Variants in ZSWIM6 observed in about 807,000 individuals in gnomAD.
The protein encoded by ZSWIM6 is zinc finger SWIM domain-containing protein 6.
ZSWIM6 carries 9 observed loss-of-function variants against 113.2 expected under a neutral mutation model. The observed-to-expected ratio is 0.08, with a 90% CI of 0.05 to 0.14. The LOEUF is 0.14. ZSWIM6 is among the 10% of genes least tolerant of loss of function. ZSWIM6 has a pLI of 1.00. For synonymous variants in ZSWIM6, 611 were observed against 606.5 expected (o/e 1.01, Z -0.11); for missense variants, 1,162 against 1,552.2 (o/e 0.75, Z 4.22).
At chr5:61,424,057 G>A (rs1013532786) in intron 1 of ZSWIM6, among the ~76,000 whole-genome samples, 2 of 152,216 alleles carry the variant, frequency 1.3e-5, no homozygotes, top group Non-Finnish European at 1.5e-5. Flanking sequence ...ATGCCTCTGA[G>A]TTGCTATCTC....
intron 1 of ZSWIM6, among the ~76,000 whole-genome samples, chr5:61,417,961 T>C (rs1469952096): frequency 6.6e-6 from 1 of 152,182 alleles, no homozygotes; most frequent in Non-Finnish European, 1.5e-5. Flanking sequence ...AGGTACTTTA[T>C]TGGTGATCTA....
intron 1 of ZSWIM6, among the ~76,000 whole-genome samples, chr5:61,347,930 G>A: frequency 6.6e-6 from 1 of 152,070 alleles, no homozygotes; most frequent in South Asian, 2.1e-4. Context: ...TTAAAAAAAA[G>A]CAAGATTTGG....
chr5:61,360,992 A>G (rs1745023449), intron 1 of ZSWIM6, among the ~76,000 whole-genome samples: 6 of 152,184 alleles, frequency 3.9e-5, no homozygotes, highest in African/African-American at 1.2e-4. Context: ...TGTTAATTTT[A>G]TATTTAAATC....
At chr5:61,377,715 CA>C (rs67255045) in intron 1 of ZSWIM6, among the ~76,000 whole-genome samples, 31,985 of 125,448 alleles carry the variant, frequency 0.25, 3,528 homozygotes, top group South Asian at 0.35. Flanking sequence ...GACTTCGTCT[CA>C]AAAAAAAAAA....
rs1384667357 is a variant in ZSWIM6, at chr5:61,521,309, G to A, written c.1380G>A (p.Glu460=). 4.0e-6 allele frequency: 6 copies of A among 1,514,928 alleles called. No homozygotes were observed. The East Asian group carries it at 8.0e-5, about 20-fold the overall frequency. The allele number at this position is 1,514,928 out of a possible 1,614,324, so 93.8% of individuals were successfully genotyped here. ...TTTTAAACCCCCACTGCAAGTTGGA[G>A]CAAAAGGCCAGTTGGCTAAAACAGC... The part of the protein sequence containing the change: ...CIVLNPHCKL[E]QKASWLKQLK... Residue 460 remains glutamate, a synonymous_variant, in exon 5 of 14, where the codon GAG becomes GAA. Coordinates refer to ENST00000252744, the MANE Select transcript of ZSWIM6 (RefSeq NM_020928.2).
intron 1 of ZSWIM6, among the ~76,000 whole-genome samples, chr5:61,401,995 C>A (rs1745947479): frequency 6.9e-6 from 1 of 144,892 alleles, no homozygotes; most frequent in Admixed American, 6.8e-5. Context: ...ACACTGATAC[C>A]TGTTCTCTTT....
At chr5:61,501,822 C>A (rs1394698592) in intron 4 of ZSWIM6, among the ~76,000 whole-genome samples, 2 of 152,204 alleles carry the variant, frequency 1.3e-5, no homozygotes, top group African/African-American at 4.8e-5. Flanking sequence ...AGTAGATACT[C>A]TTCTCACATT....
intron 4 of ZSWIM6, among the ~76,000 whole-genome samples, chr5:61,496,940 T>C (rs1349908533): frequency 1.3e-5 from 2 of 152,120 alleles, no homozygotes; most frequent in Non-Finnish European, 2.9e-5. Flanking sequence ...TCATTATACT[T>C]GTCAACCCTA....
intron 1 of ZSWIM6, among the ~76,000 whole-genome samples, chr5:61,392,291 A>G (rs536972205): frequency 1.3e-5 from 2 of 152,338 alleles, no homozygotes; most frequent in South Asian, 2.1e-4. Context: ...ACATGCATCT[A>G]TATACCTTTT....
At chr5:61,432,031 A>T (rs1242650432) in intron 1 of ZSWIM6, among the ~76,000 whole-genome samples, 2 of 152,104 alleles carry the variant, frequency 1.3e-5, no homozygotes, top group Non-Finnish European at 2.9e-5. Context: ...AGCCATTTTT[A>T]AAATTCATGT....
chr5:61,384,247 CAAAAAAAA>C (rs57899277), intron 1 of ZSWIM6, among the ~76,000 whole-genome samples: 1 of 77,514 alleles, frequency 1.3e-5, no homozygotes. Context: ...GACTCCGTCT[CAAAAAAAA>C]AAAAAAAAAA....
chr5:61,525,412 T>G (rs1749249050), intron 5 of ZSWIM6, among the ~76,000 whole-genome samples: 1 of 152,150 alleles, frequency 6.6e-6, no homozygotes, highest in African/African-American at 2.4e-5. Context: ...TTGTGAGAGC[T>G]GTTGATCCCA....
intron 1 of ZSWIM6, among the ~76,000 whole-genome samples, chr5:61,441,829 G>A (rs140173516): frequency 7.9e-5 from 12 of 152,292 alleles, no homozygotes; most frequent in Admixed American, 2.6e-4. Flanking sequence ...AGCAGAGTCC[G>A]ATGAACTGCC....
intron 1 of ZSWIM6, among the ~76,000 whole-genome samples, chr5:61,343,359 G>T (rs1184108406): frequency 6.6e-6 from 1 of 152,174 alleles, no homozygotes; most frequent in Non-Finnish European, 1.5e-5. Flanking sequence ...ATTTTTCATT[G>T]TTAGTTGGTA....
intron 1 of ZSWIM6, among the ~76,000 whole-genome samples, chr5:61,343,792 A>T (rs568065481): frequency 1.3e-5 from 2 of 152,156 alleles, no homozygotes; most frequent in Admixed American, 6.5e-5. Flanking sequence ...GTTTTATGTG[A>T]GCAAACTTTT....
intron 1 of ZSWIM6, among the ~76,000 whole-genome samples, chr5:61,356,432 G>A (rs897024668): frequency 6.6e-6 from 1 of 151,734 alleles, no homozygotes; most frequent in Non-Finnish European, 1.5e-5. Context: ...GAAGTTCAGT[G>A]GGTTGGTTAT....
chr5:61,515,295 C>CT (rs1001489970), intron 4 of ZSWIM6, among the ~76,000 whole-genome samples: 14 of 151,292 alleles, frequency 9.3e-5, no homozygotes, highest in Admixed American at 3.3e-4. Flanking sequence ...TGCCCAGCTA[C>CT]TTTTTTTTTG....
intron 1 of ZSWIM6, among the ~76,000 whole-genome samples, chr5:61,458,126 G>C (rs914451576): frequency 6.6e-6 from 1 of 152,152 alleles, no homozygotes; most frequent in Non-Finnish European, 1.5e-5. Flanking sequence ...ATTTGCCTCT[G>C]AGTATGTAGA....
At chr5:61,513,430 C>G (rs1469560240) in intron 4 of ZSWIM6, among the ~76,000 whole-genome samples, 1 of 152,010 alleles carries the variant, frequency 6.6e-6, no homozygotes, top group Non-Finnish European at 1.5e-5. Context: ...AACTTGTTTT[C>G]TCATTCTCTT....
Sources: gnomAD v4.1 joint callset for allele counts (sites outside exome capture counted in the v4.1 genomes callset) on GRCh38, gnomAD v4.1.1 for gene constraint, MANE v1.5 for transcripts, NCBI Gene and HGNC (gene_info 2026-07-23, HGNC 2026-07-21) for gene names.